Variants in TMEM127 observed in about 807,000 individuals in gnomAD.
TMEM127 encodes the protein transmembrane protein 127.
A neutral mutation model predicts 20.1 loss-of-function variants in TMEM127; 21 were observed. That is an observed-to-expected ratio of 1.04 (90% confidence interval 0.74 to 1.50). The LOEUF is 1.50. TMEM127 is among the 40% of genes most tolerant of loss of function. TMEM127 has a pLI of 0.00. For missense variants in TMEM127, 303 were observed against 317.4 expected, an observed-to-expected ratio of 0.95 and a Z score of 0.34; for synonymous variants, 150 against 144.7, an observed-to-expected ratio of 1.04 and a Z score of -0.26.
In TMEM127 at chr2:96,249,397, G is replaced by A. The variant is rs1350829453; in HGVS notation, c.*4411C>T. ...AGGCGTGAGCCACCGCACCCGGCCAGAACTGATCTTAATTCTCAAACCAGT... is the reference window on the plus strand; with the variant it reads ...AGGCGTGAGCCACCGCACCCGGCCAAAACTGATCTTAATTCTCAAACCAGT... On this transcript the variant is annotated 3_prime_UTR_variant, in exon 4 of 4. Transcript: ENST00000258439. 4 of 219,418 alleles carry A rather than the reference G, an allele frequency of 1.8e-5. No individual in the cohort carries two copies. The highest frequency in any genetic ancestry group is 4.5e-5 in the African/African-American group (2 of 44,578). 13.6% of individuals were successfully genotyped at this position (219,418 alleles called of 1,614,324 possible).
At chr2:96,264,840 T>G (rs1684380894) in intron 2 of TMEM127, among the ~76,000 whole-genome samples, 2 of 152,222 alleles carry the variant, frequency 1.3e-5, no homozygotes, top group Admixed American at 6.5e-5. Context: ...AGAGGCCAGC[T>G]AACTGTGATA....
chr2:96,255,542 C>G (rs1684185857), intron 2 of TMEM127, among the ~76,000 whole-genome samples: 1 of 152,134 alleles, frequency 6.6e-6, no homozygotes, highest in Non-Finnish European at 1.5e-5. Context: ...TATGAGATAC[C>G]TAGAATAATC....
chr2:96,265,412 C>A lies in TMEM127; in HGVS notation c.-31G>T. 1 of 1,340,504 alleles carries A rather than the reference C, an allele frequency of 7.5e-7. No homozygotes were observed. Among genetic ancestry groups the A allele is most frequent in the South Asian group, 2.0e-5 (1 of 50,708 alleles). 83.0% of individuals were successfully genotyped at this position (1,340,504 alleles called of 1,614,324 possible). On this transcript the variant is annotated 5_prime_UTR_variant, in exon 2 of 4. Transcript: ENST00000258439. ...GGGCCGCCCGCCGTCGCTCCGCAGT[C>A]GCTGCTGGTCGCCGCCGACCTCCGC...
Position 96,250,881 on chromosome 2 carries a change from A to G in TMEM127, c.*2927T>C, listed in dbSNP as rs1182385661. On this transcript the variant is annotated 3_prime_UTR_variant, in exon 4 of 4. Coordinates refer to ENST00000258439, the MANE Select transcript of TMEM127 (RefSeq NM_017849.4). ...TAGGGAGTGAAGGAACACGTGAAATACAGAAAATAAAGACAGAAAAACACA... is the reference window on the plus strand; with the variant it reads ...TAGGGAGTGAAGGAACACGTGAAATGCAGAAAATAAAGACAGAAAAACACA... The G allele has an allele frequency of 4.3e-6, 1 of 230,748 alleles. No individual in the cohort carries two copies. Among genetic ancestry groups the G allele is most frequent in the East Asian group, 6.1e-5 (1 of 16,278 alleles). 14.3% of individuals were successfully genotyped at this position (230,748 alleles called of 1,614,324 possible). A position where few individuals can be genotyped will look rare whatever the true frequency, so the allele number is the denominator to read the frequency against.
At position 96,251,713 on chromosome 2, in the gene TMEM127, A is replaced by G. The variant is rs1684092367; in HGVS notation, c.*2095T>C. On this transcript the variant is annotated 3_prime_UTR_variant, in exon 4 of 4. Transcript: ENST00000258439. ...TTTTAATTTTTTTCTAGAAAAAAAAACACAACCCGGGGAATTTATATGACA... is the reference window on the plus strand; with the variant it reads ...TTTTAATTTTTTTCTAGAAAAAAAAGCACAACCCGGGGAATTTATATGACA... The G allele has an allele frequency of 4.3e-6, 1 of 232,536 alleles. No individual in the cohort carries two copies. The highest frequency in any genetic ancestry group is 5.6e-5 in the Admixed American group (1 of 17,746). The allele number at this position is 232,536 out of a possible 1,614,324, so 14.4% of individuals were successfully genotyped here. A position where few individuals can be genotyped will look rare whatever the true frequency, so the allele number is the denominator to read the frequency against.
intron 2 of TMEM127, among the ~76,000 whole-genome samples, chr2:96,261,563 C>T (rs1191900507): frequency 2.6e-5 from 4 of 152,116 alleles, no homozygotes; most frequent in South Asian, 2.1e-4. Flanking sequence ...AACACTGAGG[C>T]GATGAAGTTA....
intron 2 of TMEM127, among the ~76,000 whole-genome samples, chr2:96,261,980 G>A (rs1163863690): frequency 6.6e-6 from 1 of 152,164 alleles, no homozygotes; most frequent in Non-Finnish European, 1.5e-5. Flanking sequence ...TCTACATGTG[G>A]CCAGGAGCGG....
intron 2 of TMEM127, among the ~76,000 whole-genome samples, chr2:96,256,962 G>T (rs547597922): frequency 1.3e-3 from 192 of 152,256 alleles, no homozygotes; most frequent in Non-Finnish European, 2.2e-3. Flanking sequence ...TACCACAAAA[G>T]CCCCAGAAGC....
intron 2 of TMEM127, among the ~76,000 whole-genome samples, chr2:96,256,944 C>G (rs1313645218): frequency 6.6e-6 from 1 of 152,148 alleles, no homozygotes; most frequent in Non-Finnish European, 1.5e-5. Flanking sequence ...AGGAAGCCAC[C>G]ACATTTATAC....
rs144659242 is a variant in TMEM127, at chr2:96,265,246, T to C, written c.136A>G (p.Thr46Ala). ...PGALSITALC[T>A]ALAEPAWLHI... ...AACCAGGCGGGCTCGGCGAGGGCAG[T>C]GCACAGCGCCGTGATAGACAGGGCG... The change falls in exon 2 of 4, where the codon ACT (threonine) becomes GCT (alanine). Residue 46 changes from threonine to alanine, a missense_variant. Transcript: ENST00000258439. 3.1e-5 allele frequency: 50 copies of C among 1,595,470 alleles called. No individual in the cohort carries two copies. The African/African-American group carries it at 6.4e-4, about 20-fold the overall frequency.
rs983504110 is a variant in TMEM127, at chr2:96,265,302, G to A, written c.80C>T (p.Pro27Leu). 13 of 1,543,910 alleles carry A rather than the reference G, an allele frequency of 8.4e-6. No individual in the cohort carries two copies. Among genetic ancestry groups the A allele is most frequent in the Non-Finnish European group, 1.1e-5 (13 of 1,151,016 alleles). ...CAGGGCCGAGGCCAGGCTACGCTCCGGCTGCTTGGGCAGAGCGCTGCCTCC... is the reference window on the plus strand; with the variant it reads ...CAGGGCCGAGGCCAGGCTACGCTCCAGCTGCTTGGGCAGAGCGCTGCCTCC... ...SPGGSALPKQ[P>L]ERSLASALPG... The change falls in exon 2 of 4, where the codon CCG becomes CTG. Residue 27 changes from proline (P) to leucine (L), a missense_variant. Physicochemically the swap from Pro to Leu is moderately conservative, Grantham distance 98 (BLOSUM62 -3). Transcript: ENST00000258439.
At chr2:96,256,099 C>T (rs1161075166) in intron 2 of TMEM127, among the ~76,000 whole-genome samples, 3 of 151,670 alleles carry the variant, frequency 2.0e-5, no homozygotes. Flanking sequence ...GGTGAAACCC[C>T]GTCTCTACCA....
At chr2:96,264,786 G>A (rs1684379656) in intron 2 of TMEM127, among the ~76,000 whole-genome samples, 1 of 152,148 alleles carries the variant, frequency 6.6e-6, no homozygotes, top group African/African-American at 2.4e-5. Context: ...CCATTAATCA[G>A]TCTGCCCCAA....
intron 2 of TMEM127, among the ~76,000 whole-genome samples, chr2:96,255,381 G>T (rs1355889394): frequency 6.6e-6 from 1 of 152,256 alleles, no homozygotes; most frequent in Non-Finnish European, 1.5e-5. Context: ...GAGACAGCCA[G>T]AGAGGCTAAG....
In TMEM127 at chr2:96,249,151, C is replaced by G. The variant is rs1227610984; in HGVS notation, c.*4657G>C. The G allele has an allele frequency of 2.2e-5, 5 of 226,834 alleles. No homozygotes were observed. Among genetic ancestry groups the G allele is most frequent in the Non-Finnish European group, 3.5e-5 (4 of 114,326 alleles). The allele number at this position is 226,834 out of a possible 1,614,324, so 14.1% of individuals were successfully genotyped here. A position where few individuals can be genotyped will look rare whatever the true frequency, so the allele number is the denominator to read the frequency against. On this transcript the variant is annotated 3_prime_UTR_variant, in exon 4 of 4. Coordinates refer to ENST00000258439, the MANE Select transcript of TMEM127 (RefSeq NM_017849.4). ...GAGTCTCACTCTGTCAGGCTGGAGTCCAGTGGCATGATCTCGGCTCACTGC... is the reference window on the plus strand; with the variant it reads ...GAGTCTCACTCTGTCAGGCTGGAGTGCAGTGGCATGATCTCGGCTCACTGC...
chr2:96,265,231 G>A lies in TMEM127; in HGVS notation c.151C>T (p.Pro51Ser), dbSNP rs2104307726. 2 of 1,601,160 alleles carry A rather than the reference G, an allele frequency of 1.2e-6. No homozygotes were observed. The highest frequency in any genetic ancestry group is 2.2e-5 in the East Asian group (1 of 44,504). The change falls in exon 2 of 4, where the codon CCC becomes TCC. Residue 51 changes from proline (P) to serine (S), a missense_variant. Pro to Ser is a moderately conservative substitution (Grantham distance 74). Transcript: ENST00000258439. The part of the protein sequence containing the change: ...ITALCTALAE[P>S]AWLHIHGGTC... ...CCTCCGTGGATGTGCAACCAGGCGG[G>A]CTCGGCGAGGGCAGTGCACAGCGCC...
At chr2:96,263,369 T>TC (rs1209909341) in intron 2 of TMEM127, among the ~76,000 whole-genome samples, 1 of 150,470 alleles carries the variant, frequency 6.6e-6, no homozygotes, top group Non-Finnish European at 1.5e-5. Context: ...TCTTTTTTTT[T>TC]TTTTTTTTTT....
intron 2 of TMEM127, among the ~76,000 whole-genome samples, chr2:96,264,600 C>A (rs773372679): frequency 6.6e-6 from 1 of 152,222 alleles, no homozygotes; most frequent in Non-Finnish European, 1.5e-5. Context: ...CTCTGTCAGG[C>A]ACACCTATAA....
Position 96,253,196 on chromosome 2 carries a change from G to A in TMEM127, c.*612C>T, listed in dbSNP as rs549115489. ...CCTGGGCTCCAGCCACATGAAGCAA[G>A]GGCAGAGAGGGTTGCAACTGCTCTG... On this transcript the variant is annotated 3_prime_UTR_variant, in exon 4 of 4. Transcript: ENST00000258439. The surrounding 1 kb of genome is among the most constrained non-coding windows in gnomAD (Gnocchi z 4.3). 1.8e-4 allele frequency: 41 copies of A among 234,218 alleles called. No homozygotes were observed. The highest frequency in any genetic ancestry group is 7.7e-4 in the African/African-American group (35 of 45,462). The allele number at this position is 234,218 out of a possible 1,614,324, so 14.5% of individuals were successfully genotyped here.
Sources: allele counts gnomAD v4.1 joint callset (sites outside exome capture counted in the v4.1 genomes callset), GRCh38; gene constraint gnomAD v4.1.1; non-coding constraint Gnocchi (gnomAD v3.1); transcripts MANE v1.5; gene names NCBI Gene and HGNC (gene_info 2026-07-23, HGNC 2026-07-21).